The following SOHLH1 variants were observed in gnomAD, a reference collection of about 807,000 sequenced individuals.
The protein encoded by SOHLH1 is spermatogenesis- and oogenesis-specific basic helix-loop-helix-containing protein 1.
A neutral mutation model predicts 36.2 loss-of-function variants in SOHLH1; 23 were observed. The observed-to-expected ratio is 0.64, with a 90% CI of 0.46 to 0.90. The LOEUF is 0.90. SOHLH1 is among the 40% of genes least tolerant of loss of function. The pLI is 0.00. For synonymous variants in SOHLH1, 289 were observed against 228.3 expected (o/e 1.27, Z -2.40); for missense variants, 608 against 517.0 (o/e 1.18, Z -1.71).
chr9:135,693,605 C>G lies in SOHLH1; in HGVS notation c.1156G>C (p.Ala386Pro). The G allele has an allele frequency of 6.4e-7, 1 of 1,571,740 alleles. No homozygotes were observed. The highest frequency in any genetic ancestry group is 1.4e-5 in the African/African-American group (1 of 73,880). The change falls in exon 8 of 8, where the codon GCC becomes CCC. Residue 386 changes from alanine (A) to proline (P), a missense_variant. Coordinates refer to ENST00000425225, the MANE Select transcript of SOHLH1 (RefSeq NM_001101677.2). ...TCTCCACAGCCTGGCTGCTAGCAGG[C>G]AAAGAAGTCAGGGAAGATGCTCTCC... ...EVESIFPDFF[A>P]C
At chr9:135,699,578 A>AC (rs1240694392), upstream of SOHLH1, 31 of 1,055,176 alleles carry the variant, frequency 2.9e-5, no homozygotes, top group African/African-American at 9.3e-5. Context: ...AGCCCACCCC[A>AC]CCCCCACTTG....
chr9:135,696,677 C>A lies in SOHLH1; in HGVS notation c.596G>T (p.Gly199Val). ...CAACAGTGCCTCACACTTGTCCGTG[C>A]CCAGGGACGTGCAGCTCGCGGGGTC... ...QWDPASCTSL[G>V]TDKCEALLGL... Residue 199 changes from glycine to valine, a missense_variant, in exon 5 of 8, where the codon GGC (glycine) becomes GTC (valine). Physicochemically the swap from Gly to Val is moderately radical, Grantham distance 109. Coordinates refer to ENST00000425225, the MANE Select transcript of SOHLH1 (RefSeq NM_001101677.2). The A allele has an allele frequency of 1.2e-6, 2 of 1,612,894 alleles. No homozygotes were observed. Among genetic ancestry groups the A allele is most frequent in the Non-Finnish European group, 1.7e-6 (2 of 1,179,902 alleles).
At position 135,693,446 on chromosome 9, in the gene SOHLH1, T is replaced by C; in HGVS notation, c.*151A>G. On this transcript the variant is annotated 3_prime_UTR_variant, in exon 8 of 8. Coordinates refer to ENST00000425225, the MANE Select transcript of SOHLH1 (RefSeq NM_001101677.2). The stretch of plus-strand genomic sequence containing the variant: ...GGAAAACTGCTTTCCCTCTTTAATA[T>C]TCACTATCCTCTTCTCACAGCCTGT... The C allele has an allele frequency of 9.0e-7, 1 of 1,111,056 alleles. No homozygotes were observed. The highest frequency in any genetic ancestry group is 1.2e-6 in the Non-Finnish European group (1 of 805,230). The allele number at this position is 1,111,056 out of a possible 1,614,324, so 68.8% of individuals were successfully genotyped here. A position where few individuals can be genotyped will look rare whatever the true frequency, so the allele number is the denominator to read the frequency against.
At chr9:135,698,267 G>C in intron 3 of SOHLH1, 62 bp downstream of exon 3, 1 of 1,604,586 alleles carries the variant, frequency 6.2e-7, no homozygotes, top group Non-Finnish European at 8.5e-7. Flanking sequence ...TGCCTGCAAG[G>C]TGGTGAGATG....
upstream of SOHLH1, among the ~76,000 whole-genome samples, chr9:135,699,978 C>T (rs958911570): frequency 4.6e-5 from 7 of 152,096 alleles, no homozygotes; most frequent in Non-Finnish European, 8.8e-5. Context: ...CCTCCATTTT[C>T]CCCCAAATCT....
In SOHLH1 at chr9:135,693,420, A is replaced by G. The variant is rs1834667457; in HGVS notation, c.*177T>C. On this transcript the variant is annotated 3_prime_UTR_variant, in exon 8 of 8. Coordinates refer to ENST00000425225, the MANE Select transcript of SOHLH1 (RefSeq NM_001101677.2). The stretch of plus-strand genomic sequence containing the variant: ...AAGCCACACAGGTTTTGCTTCCTCC[A>G]GGAAAACTGCTTTCCCTCTTTAATA... 1 of 927,172 alleles carries G rather than the reference A, an allele frequency of 1.1e-6. No homozygotes were observed. The highest frequency in any genetic ancestry group is 1.7e-5 in the African/African-American group (1 of 60,166). 57.4% of individuals were successfully genotyped at this position (927,172 alleles called of 1,614,324 possible).
In SOHLH1 at chr9:135,693,474, G is replaced by A. The variant is rs1834670157; in HGVS notation, c.*123C>T. Reference sequence around the variant, plus strand: ...ACTATCCTCTTCTCACAGCCTGTAAGCCTCGCTCAAATTAGGGTGCAGCTG... The same window carrying A: ...ACTATCCTCTTCTCACAGCCTGTAAACCTCGCTCAAATTAGGGTGCAGCTG... On this transcript the variant is annotated 3_prime_UTR_variant, in exon 8 of 8. Coordinates refer to ENST00000425225, the MANE Select transcript of SOHLH1 (RefSeq NM_001101677.2). 3 of 1,316,920 alleles carry A rather than the reference G, an allele frequency of 2.3e-6. No individual in the cohort carries two copies. Among genetic ancestry groups the A allele is most frequent in the Non-Finnish European group, 2.0e-6 (2 of 977,910 alleles). The allele number at this position is 1,316,920 out of a possible 1,614,324, so 81.6% of individuals were successfully genotyped here. A position where few individuals can be genotyped will look rare whatever the true frequency, so the allele number is the denominator to read the frequency against.
intron 6 of SOHLH1, 123 bp downstream of exon 6, chr9:135,694,927 A>C: frequency 1.8e-6 from 2 of 1,117,960 alleles, no homozygotes; most frequent in Admixed American, 4.1e-5. Context: ...GCACAGAAGC[A>C]GAGACGGAAG....
chr9:135,693,881 G>T, intron 7 of SOHLH1, 67 bp from the exon 8 acceptor site: 2 of 1,505,600 alleles, frequency 1.3e-6, no homozygotes, highest in Non-Finnish European at 8.9e-7. Context: ...AGACAGGTGG[G>T]GTCGGAGGAA....
chr9:135,695,979 C>T (rs930497580), intron 5 of SOHLH1, among the ~76,000 whole-genome samples: 1 of 152,226 alleles, frequency 6.6e-6, no homozygotes, highest in Admixed American at 6.5e-5. Flanking sequence ...GAAAACAGAT[C>T]TCCGGCCACA....
upstream of SOHLH1, among the ~76,000 whole-genome samples, chr9:135,701,693 AG>A (rs1835039455): frequency 6.9e-6 from 1 of 144,798 alleles, no homozygotes; most frequent in African/African-American, 2.5e-5. Context: ...GCCCACCCAC[AG>A]ATGCCGCAGC....
In SOHLH1 at chr9:135,696,699, G is replaced by A. The variant is rs758163379; in HGVS notation, c.574C>T (p.Pro192Ser). The change falls in exon 5 of 8, where the codon CCC becomes TCC. Residue 192 changes from proline to serine, a missense_variant. Coordinates refer to ENST00000425225, the MANE Select transcript of SOHLH1 (RefSeq NM_001101677.2). ...HILASSRQWD[P>S]ASCTSLGTDK... ...GTGCCCAGGGACGTGCAGCTCGCGG[G>A]GTCCCACTGCCTGGAGGACGCAAGG... is the stretch of plus-strand genomic sequence containing the variant. The A allele has an allele frequency of 1.4e-5, 23 of 1,612,912 alleles. No homozygotes were observed. The highest frequency in any genetic ancestry group is 1.9e-5 in the Non-Finnish European group (22 of 1,179,970).
chr9:135,701,604 G>A (rs979748741), upstream of SOHLH1, among the ~76,000 whole-genome samples: 26 of 152,238 alleles, frequency 1.7e-4, no homozygotes, highest in African/African-American at 6.3e-4. Context: ...GTCTAAAGGT[G>A]CTGTGTGTGC....
Position 135,697,515 on chromosome 9 carries a change from C to T in SOHLH1, c.458G>A (p.Ser153Asn), listed in dbSNP as rs1723627414. Residue 153 changes from serine to asparagine, a missense_variant, in exon 4 of 8, where the codon AGC becomes AAC. Ser to Asn is a conservative substitution (Grantham distance 46, BLOSUM62 1). Transcript: ENST00000425225. ...CCCAGGAGACACTAACCGAGTCCCGCTGGACGCTCCCGTCCCAGGGTCTGG... is the reference window on the plus strand; with the variant it reads ...CCCAGGAGACACTAACCGAGTCCCGTTGGACGCTCCCGTCCCAGGGTCTGG... Reference protein sequence around the residue: ...GVPDPGTGASSGTRTPDVKAF... With the variant: ...GVPDPGTGASNGTRTPDVKAF... 4 of 1,611,294 alleles carry T rather than the reference C, an allele frequency of 2.5e-6. No individual in the cohort carries two copies. The highest frequency in any genetic ancestry group is 3.4e-6 in the Non-Finnish European group (4 of 1,179,532).
At chr9:135,700,553 G>C (rs1834996310), upstream of SOHLH1, among the ~76,000 whole-genome samples, 1 of 152,162 alleles carries the variant, frequency 6.6e-6, no homozygotes, top group African/African-American at 2.4e-5. Flanking sequence ...CGAGAGGGGA[G>C]GCAAGAAGGA....
chr9:135,698,105 G>A (rs1316439416), intron 3 of SOHLH1, among the ~76,000 whole-genome samples: 1 of 152,160 alleles, frequency 6.6e-6, no homozygotes, highest in Non-Finnish European at 1.5e-5. Flanking sequence ...AGGGGCACAG[G>A]AGGGCTGGAA....
At chr9:135,694,129 G>A (rs1564296209) in intron 7 of SOHLH1, 1 of 1,432,752 alleles carries the variant, frequency 7.0e-7, no homozygotes, top group Non-Finnish European at 9.1e-7. Context: ...CAGGGTCAAG[G>A]GGAAGAATAC....
Position 135,693,772 on chromosome 9 carries a change from G to T in SOHLH1, c.989C>A (p.Pro330Gln), listed in dbSNP as rs867554130. The T allele has an allele frequency of 6.3e-7, 1 of 1,582,010 alleles. No homozygotes were observed. The highest frequency in any genetic ancestry group is 2.3e-5 in the East Asian group (1 of 42,780). ...GRGGSGPAWA[P>Q]AESSPLDVGE... Reference sequence around the variant, plus strand: ...AACATCCAGTGGACTGCTCTCAGCTGGGGCCCATGCAGGGCCACTGCCTCC... The same window carrying T: ...AACATCCAGTGGACTGCTCTCAGCTTGGGCCCATGCAGGGCCACTGCCTCC... The change falls in exon 8 of 8, where the codon CCA becomes CAA. Residue 330 changes from proline (P) to glutamine (Q), a missense_variant. Transcript: ENST00000425225.
rs1298963471 is a variant in SOHLH1, at chr9:135,698,562, C to T, written c.198-86G>A. The stretch of plus-strand genomic sequence containing the variant: ...CAACTGCTAGAACCTGCCAGATAGA[C>T]CCTGGGCGCTTGTCAGGCAGAGGGG... On this transcript the variant is annotated intron_variant, in intron 2 of 7. Transcript: ENST00000425225. 10 of 1,592,382 alleles carry T rather than the reference C, an allele frequency of 6.3e-6. No individual in the cohort carries two copies. The African/African-American group carries it at 8.0e-5, about 13-fold the overall frequency.
Sources: gnomAD v4.1 joint callset for allele counts (sites outside exome capture counted in the v4.1 genomes callset) on GRCh38, gnomAD v4.1.1 for gene constraint, MANE v1.5 for transcripts, NCBI Gene and HGNC (gene_info 2026-07-23, HGNC 2026-07-21) for gene names.